CTSH: variants seen among roughly 807,000 people sequenced by gnomAD.
The protein encoded by CTSH is cathepsin H, also known as pro-cathepsin H.
In CTSH, 52 loss-of-function variants were observed where a neutral mutation model predicts 56.3. That is an observed-to-expected ratio of 0.92 (90% confidence interval 0.74 to 1.16). The LOEUF is 1.16. CTSH is among the 50% of genes most tolerant of loss of function. The probability of loss-of-function intolerance (pLI) is 0.00; values close to 1 mark genes in which losing one functional copy is unlikely to be tolerated. For missense variants in CTSH, 406 were observed against 424.5 expected (o/e 0.96, Z 0.38); for synonymous variants, 174 against 155.7 (o/e 1.12, Z -0.88).
chr15:78,925,728 T>C, intron 9 of CTSH: 2 of 343,602 alleles, frequency 5.8e-6, no homozygotes, highest in Non-Finnish European at 5.7e-6. Context: ...TTCCCTGAGG[T>C]CCTCTCCTGG....
chr15:78,937,655 A>C, intron 2 of CTSH: 1 of 1,388,462 alleles, frequency 7.2e-7, no homozygotes, highest in East Asian at 3.3e-5. Context: ...TGAAAGTCAG[A>C]ATGTGGTCCA....
chr15:78,929,457 G>T lies in CTSH; in HGVS notation c.585C>A (p.Tyr195Ter), dbSNP rs762219427. 5 of 1,612,424 alleles carry T rather than the reference G, an allele frequency of 3.1e-6. No homozygotes were observed. The highest frequency in any genetic ancestry group is 4.2e-6 in the Non-Finnish European group (5 of 1,179,108). Residue 195 changes from tyrosine (Y) to a stop codon, truncating the protein, a stop_gained, in exon 8 of 12, where the codon TAC becomes TAA. Transcript: ENST00000220166. LOFTEE classifies it high-confidence loss of function. ...TGTCTTCACCCATGATCCCCTTGTT[G>T]TACAGGATATACTCGAAAGCCTGGC... ...LPSQAFEYILYNKGIMGEDTY... is the reference protein window; with the variant it reads ...LPSQAFEYIL
intron 8 of CTSH, among the ~76,000 whole-genome samples, chr15:78,929,174 A>G (rs943197087): frequency 6.6e-6 from 1 of 152,034 alleles, no homozygotes; most frequent in Non-Finnish European, 1.5e-5. Flanking sequence ...CGGGAAGGAA[A>G]GAGATGGTGC....
intron 5 of CTSH, 35 bp from the exon 6 acceptor site, chr15:78,932,493 G>C: frequency 6.5e-7 from 1 of 1,536,282 alleles, no homozygotes; most frequent in Non-Finnish European, 9.0e-7. Context: ...GGACATCAGT[G>C]ATGGGGACGC....
intron 10 of CTSH, among the ~76,000 whole-genome samples, chr15:78,923,833 G>C (rs976701515): frequency 5.3e-5 from 8 of 152,178 alleles, no homozygotes; most frequent in Admixed American, 2.0e-4. Flanking sequence ...TTACAAAAGT[G>C]AACTAGCCTC....
At chr15:78,939,247 G>A in intron 1 of CTSH, 76 bp from the exon 2 acceptor site, 8 of 1,229,018 alleles carry the variant, frequency 6.5e-6, no homozygotes, top group Non-Finnish European at 9.2e-6. Flanking sequence ...GGGCACTTTA[G>A]AACTGATTTG....
chr15:78,931,943 G>A, intron 6 of CTSH: 1 of 1,162,596 alleles, frequency 8.6e-7, no homozygotes, highest in Non-Finnish European at 1.1e-6. Context: ...ACAGAGGCAG[G>A]GGCTAGGATA....
In CTSH at chr15:78,925,354, A is replaced by G. The variant is rs1222191618; in HGVS notation, c.786T>C (p.Tyr262=). The change falls in exon 10 of 12, where the codon TAT becomes TAC. Residue 262 remains tyrosine, a synonymous_variant. Coordinates refer to ENST00000220166, the MANE Select transcript of CTSH (RefSeq NM_004390.5). The stretch of plus-strand genomic sequence containing the variant: ...CTCACCTGGAGTAGATGCCGGTTCT[A>G]TACATCATGAAGTCCTGAGTCACCT... ...AFEVTQDFMM[Y]RTGIYSSTSC... is the part of the protein sequence containing the mutation. 1.6e-5 allele frequency: 26 copies of G among 1,612,452 alleles called. No individual in the cohort carries two copies. The highest frequency in any genetic ancestry group is 2.1e-5 in the Non-Finnish European group (25 of 1,178,706).
intron 6 of CTSH, chr15:78,932,038 G>T (rs1452857575): frequency 2.5e-6 from 3 of 1,202,166 alleles, no homozygotes; most frequent in African/African-American, 1.5e-5. Context: ...GACAACTGAG[G>T]CTGCTGGGAA....
intron 1 of CTSH, among the ~76,000 whole-genome samples, chr15:78,939,607 GC>G (rs2055246273): frequency 6.6e-6 from 1 of 152,246 alleles, no homozygotes; most frequent in Non-Finnish European, 1.5e-5. Flanking sequence ...ATCTACTCCA[GC>G]TGGGCGCGGT....
intron 3 of CTSH, chr15:78,936,935 A>G (rs190457253): frequency 5.3e-4 from 97 of 182,308 alleles, no homozygotes; most frequent in African/African-American, 2.2e-3. Flanking sequence ...GGCCTATGTG[A>G]GTTTCTAGTG....
chr15:78,934,024 C>T (rs1260003889), intron 5 of CTSH, among the ~76,000 whole-genome samples: 1 of 152,168 alleles, frequency 6.6e-6, no homozygotes, highest in South Asian at 2.1e-4. Context: ...GTTTAGGTTA[C>T]GTGTTGCTCT....
intron 1 of CTSH, among the ~76,000 whole-genome samples, chr15:78,942,740 C>G (rs2055322109): frequency 6.6e-6 from 1 of 152,192 alleles, no homozygotes; most frequent in Non-Finnish European, 1.5e-5. Flanking sequence ...CCAGTTTTAG[C>G]AAAGAGGACA....
chr15:78,936,284 C>A (rs1337430209), intron 3 of CTSH, among the ~76,000 whole-genome samples: 2 of 149,704 alleles, frequency 1.3e-5, no homozygotes, highest in Non-Finnish European at 3.0e-5. Context: ...CGGATTCAAG[C>A]GATTCTCCTG....
chr15:78,924,114 T>TGGGCAGGGGGGGGGGGG (rs2054843127), intron 10 of CTSH, among the ~76,000 whole-genome samples: 3 of 21,196 alleles, frequency 1.4e-4, no homozygotes, highest in African/African-American at 6.6e-4. Context: ...GGGGGGAGGG[T>TGGGCAGGGGGGGGGGGG]GGGCAGGGTG....
At chr15:78,944,378 G>A (rs2055351428) in intron 1 of CTSH, among the ~76,000 whole-genome samples, 1 of 152,166 alleles carries the variant, frequency 6.6e-6, no homozygotes, top group Non-Finnish European at 1.5e-5. Context: ...AAGCGCTGTT[G>A]GTCTGAGTGC....
chr15:78,931,360 T>G (rs1237539462), intron 7 of CTSH, 91 bp downstream of exon 7: 2 of 1,543,338 alleles, frequency 1.3e-6, no homozygotes, highest in African/African-American at 2.7e-5. Context: ...TGGTGGGTTA[T>G]ATCTGTGGCA....
chr15:78,924,712 C>T (rs974745007), intron 10 of CTSH, among the ~76,000 whole-genome samples: 1 of 148,586 alleles, frequency 6.7e-6, no homozygotes, highest in African/African-American at 2.5e-5. Context: ...TTTTCTGAGA[C>T]AGAGCTTTGC....
chr15:78,934,891 T>C, intron 5 of CTSH, 87 bp downstream of exon 5: 1 of 876,064 alleles, frequency 1.1e-6, no homozygotes, highest in Non-Finnish European at 1.9e-6. Context: ...TGTGGTGGTT[T>C]TGTGGACCTT....
Sources: gnomAD v4.1 joint callset for allele counts (sites outside exome capture counted in the v4.1 genomes callset) on GRCh38, gnomAD v4.1.1 for gene constraint, MANE v1.5 for transcripts, NCBI Gene and HGNC (gene_info 2026-07-23, HGNC 2026-07-21) for gene names.